Variants in DPYSL2 observed in about 807,000 individuals in gnomAD.
DPYSL2 encodes the protein dihydropyrimidinase like 2.
A neutral mutation model predicts 69.9 loss-of-function variants in DPYSL2; 13 were observed. The observed-to-expected ratio is 0.19, with a 90% confidence interval of 0.12 to 0.30. The LOEUF is 0.30. Among genes scored for constraint, DPYSL2 ranks in the 10% least tolerant of loss-of-function variants. DPYSL2 has a pLI of 1.00. For missense variants in DPYSL2, 587 were observed against 918.9 expected, an observed-to-expected ratio of 0.64 and a Z score of 4.67; for synonymous variants, 326 against 359.1, an observed-to-expected ratio of 0.91 and a Z score of 1.04.
intron 1 of DPYSL2, among the ~76,000 whole-genome samples, chr8:26,563,849 GTGAATGAATGAA>G (rs57663458): frequency 2.0e-5 from 3 of 151,752 alleles, no homozygotes; most frequent in African/African-American, 7.3e-5. Flanking sequence ...TGCTGGATGA[GTGAATGAATGAA>G]TGAATGAATG....
Position 26,640,652 on chromosome 8 carries a change from T to C in DPYSL2, c.1127-2787T>C, listed in dbSNP as rs1803019982. On this transcript the variant is annotated intron_variant, in intron 8 of 13. Coordinates refer to ENST00000521913, the MANE Select transcript of DPYSL2 (RefSeq NM_001197293.3). The surrounding 1 kb of genome is among the most constrained non-coding windows in gnomAD (Gnocchi z 4.2). ...GTGGAGGTAGAGGCCTGGAACATGATGGCTAAACTCCTGTCGCTGATTCTG... is the reference window on the plus strand; with the variant it reads ...GTGGAGGTAGAGGCCTGGAACATGACGGCTAAACTCCTGTCGCTGATTCTG... Among the ~76,000 whole-genome samples the C allele has an allele frequency of 6.6e-6, 1 of 152,110 alleles. No individual in the cohort carries two copies. Among genetic ancestry groups the C allele is most frequent in the Non-Finnish European group, 1.5e-5 (1 of 68,016 alleles).
In DPYSL2 at chr8:26,620,181, T is replaced by C. The variant is rs924596001; in HGVS notation, c.629-3962T>C. Among the ~76,000 whole-genome samples the C allele has an allele frequency of 6.6e-6, 1 of 152,180 alleles. No homozygotes were observed. Among genetic ancestry groups the C allele is most frequent in the African/African-American group, 2.4e-5 (1 of 41,418 alleles). On this transcript the variant is annotated intron_variant, in intron 3 of 13. Coordinates refer to ENST00000521913, the MANE Select transcript of DPYSL2 (RefSeq NM_001197293.3). This position sits in a 1 kb window ranked among gnomAD's most constrained non-coding sequence, Gnocchi z 4.5. ...GGTTGTAAGGCTTTAGATGGCTTGC[T>C]TGAGCCTTGCAATGGGAATGAGTGC...
In DPYSL2 at chr8:26,517,368, G is replaced by C. The variant is rs1808309781; in HGVS notation, c.354+2689G>C. On this transcript the variant is annotated intron_variant, in intron 1 of 13. Transcript: ENST00000521913. The surrounding 1 kb of genome is among the most constrained non-coding windows in gnomAD (Gnocchi z 4.2). ...CACCAGAAAGCGATGGGTGTGGCTT[G>C]ACTCGGCATGTCAGATTTTGGCGGA... Among the ~76,000 whole-genome samples the C allele has an allele frequency of 6.6e-6, 1 of 152,236 alleles. No homozygotes were observed. The highest frequency in any genetic ancestry group is 1.5e-5 in the Non-Finnish European group (1 of 68,044).
rs183210300 is a variant in DPYSL2 at position 26,537,847 on chromosome 8, T to G, written c.354+23168T>G. Among the ~76,000 whole-genome samples the G allele has an allele frequency of 1.2e-4, 19 of 152,330 alleles. No individual in the cohort carries two copies. In the East Asian group the frequency reaches 2.9e-3, roughly 23 times the overall value. ...CCAATTATCCAATAACATTCTTTAG[T>G]AGGTCCAACATTCAAGTCAGGATTA... On this transcript the variant is annotated intron_variant, in intron 1 of 13. Transcript: ENST00000521913.
rs1272805130 is a variant in DPYSL2 at position 26,597,147 on chromosome 8, C to G, written c.628+13164C>G. 6.6e-6 allele frequency among the ~76,000 whole-genome samples: 1 copy of G among 152,240 alleles called. No homozygotes were observed. Among genetic ancestry groups the G allele is most frequent in the African/African-American group, 2.4e-5 (1 of 41,464 alleles). Reference sequence around the variant, plus strand: ...CGGTGGTATATTGGGTGTCTCTTCTCTCCTACAGAAGCCCTGGGTTGATGC... The same window carrying G: ...CGGTGGTATATTGGGTGTCTCTTCTGTCCTACAGAAGCCCTGGGTTGATGC... On this transcript the variant is annotated intron_variant, in intron 3 of 13. Transcript: ENST00000521913. This position sits in a 1 kb window ranked among gnomAD's most constrained non-coding sequence, Gnocchi z 5.2.
intron 1 of DPYSL2, among the ~76,000 whole-genome samples, chr8:26,518,617 C>G (rs1198545478): frequency 1.3e-5 from 2 of 152,146 alleles, no homozygotes; most frequent in Non-Finnish European, 1.5e-5. Flanking sequence ...CCACCTCTTC[C>G]CAGCCCCTGG....
At position 26,514,753 on chromosome 8, in the gene DPYSL2, C is replaced by T. The variant is rs1172353910; in HGVS notation, c.354+74C>T. On this transcript the variant is annotated intron_variant, in intron 1 of 13. Transcript: ENST00000521913. The surrounding 1 kb of genome is among the most constrained non-coding windows in gnomAD (Gnocchi z 8.4). The stretch of plus-strand genomic sequence containing the variant: ...GCCCCTCCCTCGCCCCTGAGCCCGG[C>T]GCGCCCGCCTTCATGCCCCGCCCTG... The T allele has an allele frequency of 5.4e-6, 7 of 1,288,652 alleles. No homozygotes were observed. The highest frequency in any genetic ancestry group is 7.0e-6 in the Non-Finnish European group (7 of 996,518). The allele number at this position is 1,288,652 out of a possible 1,614,324, so 79.8% of individuals were successfully genotyped here.
Position 26,652,070 on chromosome 8 carries a change from A to G in DPYSL2, c.1597-187A>G, listed in dbSNP as rs1329955045. On this transcript the variant is annotated intron_variant, in intron 11 of 13. Coordinates refer to ENST00000521913, the MANE Select transcript of DPYSL2 (RefSeq NM_001197293.3). The surrounding 1 kb of genome is among the most constrained non-coding windows in gnomAD (Gnocchi z 6.3). ...CTAATGTGGAGAGGTAGAAAAAGTT[A>G]TTTCATATTCTAGACAGGGAAATGG... 6.6e-6 allele frequency among the ~76,000 whole-genome samples: 1 copy of G among 152,130 alleles called. No homozygotes were observed. The highest frequency in any genetic ancestry group is 1.5e-5 in the Non-Finnish European group (1 of 68,028).
rs1801474630 is a variant in DPYSL2 at position 26,580,796 on chromosome 8, G to A, written c.355-1173G>A. 6.6e-6 allele frequency among the ~76,000 whole-genome samples: 1 copy of A among 152,202 alleles called. No homozygotes were observed. Among genetic ancestry groups the A allele is most frequent in the South Asian group, 2.1e-4 (1 of 4,832 alleles). On this transcript the variant is annotated intron_variant, in intron 1 of 13. Coordinates refer to ENST00000521913, the MANE Select transcript of DPYSL2 (RefSeq NM_001197293.3). The surrounding 1 kb of genome is among the most constrained non-coding windows in gnomAD (Gnocchi z 4.1). Reference sequence around the variant, plus strand: ...ATGTGTTGCATATTAAAAGGGCAATGTATGGTTCAGCTTGCCAGGTTTAAG... The same window carrying A: ...ATGTGTTGCATATTAAAAGGGCAATATATGGTTCAGCTTGCCAGGTTTAAG...
At chr8:26,645,725 T>G (rs1382385658) in intron 10 of DPYSL2, among the ~76,000 whole-genome samples, 5 of 152,060 alleles carry the variant, frequency 3.3e-5, no homozygotes, top group African/African-American at 9.7e-5. Context: ...GATTTTTGTA[T>G]TTTTAGTAGA....
chr8:26,632,429 A>G (rs1802799526), intron 7 of DPYSL2, among the ~76,000 whole-genome samples: 2 of 152,226 alleles, frequency 1.3e-5, no homozygotes, highest in Admixed American at 1.3e-4. Flanking sequence ...AGATGAGGAT[A>G]ATGAAGAACC....
At chr8:26,537,599 T>A (rs993452907) in intron 1 of DPYSL2, among the ~76,000 whole-genome samples, 1 of 70,032 alleles carries the variant, frequency 1.4e-5, no homozygotes, top group African/African-American at 4.0e-5. Context: ...GACCTTACTA[T>A]CATTCTCTCT....
intron 1 of DPYSL2, among the ~76,000 whole-genome samples, chr8:26,526,776 T>C (rs988424015): frequency 6.6e-6 from 1 of 152,224 alleles, no homozygotes; most frequent in Non-Finnish European, 1.5e-5. Context: ...TTGTGCCTTG[T>C]TGCAGTGACC....
chr8:26,583,695 G>A lies in DPYSL2; in HGVS notation c.444-104G>A, dbSNP rs542808485. ...CGTAACAATGATCTGAAAAGCCCAC[G>A]GCACAGAGCGGAGGATAGTTTATAG... is the stretch of plus-strand genomic sequence containing the variant. On this transcript the variant is annotated intron_variant, in intron 2 of 13. Transcript: ENST00000521913. 11 of 1,054,828 alleles carry A rather than the reference G, an allele frequency of 1.0e-5. 1 individual carries two copies. Among genetic ancestry groups the A allele is most frequent in the South Asian group, 5.1e-5 (3 of 58,574 alleles). 65.3% of individuals were successfully genotyped at this position (1,054,828 alleles called of 1,614,324 possible). A position where few individuals can be genotyped will look rare whatever the true frequency, so the allele number is the denominator to read the frequency against.
Position 26,552,228 on chromosome 8 carries a change from C to G in DPYSL2, c.355-29741C>G, listed in dbSNP as rs530246102. ...ATACAACTTATCAAAATTTGTGGAC[C>G]GCAGCAAAAACAGTGCTTAATGAGA... On this transcript the variant is annotated intron_variant, in intron 1 of 13. Transcript: ENST00000521913. Among the ~76,000 whole-genome samples the G allele has an allele frequency of 2.0e-5, 3 of 152,040 alleles. No homozygotes were observed. In the East Asian group the frequency reaches 5.8e-4, roughly 29 times the overall value.
Position 26,657,189 on chromosome 8 carries a change from G to T in DPYSL2, c.*1483G>T, listed in dbSNP as rs999916698. 2 of 152,492 alleles carry T rather than the reference G, an allele frequency of 1.3e-5. No homozygotes were observed. Among genetic ancestry groups the T allele is most frequent in the East Asian group, 1.9e-4 (1 of 5,196 alleles). The allele number at this position is 152,492 out of a possible 1,614,324, so 9.4% of individuals were successfully genotyped here. A position where few individuals can be genotyped will look rare whatever the true frequency, so the allele number is the denominator to read the frequency against. On this transcript the variant is annotated 3_prime_UTR_variant, in exon 14 of 14. Coordinates refer to ENST00000521913, the MANE Select transcript of DPYSL2 (RefSeq NM_001197293.3). ...AAGAGGAGAAATGTGTTTTATGAACGATAGATCACATCAGAACTCCTGTGG... is the reference window on the plus strand; with the variant it reads ...AAGAGGAGAAATGTGTTTTATGAACTATAGATCACATCAGAACTCCTGTGG...
rs2129911568 is a variant in DPYSL2 at position 26,626,345 on chromosome 8, C to G, written c.794-272C>G. Among the ~76,000 whole-genome samples the G allele has an allele frequency of 6.6e-6, 1 of 152,168 alleles. No homozygotes were observed. The highest frequency in any genetic ancestry group is 1.9e-4 in the East Asian group (1 of 5,204). ...CTTTTAATTTTGATATACTTGTAAA[C>G]TTACAGGAAGATTATAAGAATACTA... On this transcript the variant is annotated intron_variant, in intron 4 of 13. Transcript: ENST00000521913. The surrounding 1 kb of genome is among the most constrained non-coding windows in gnomAD (Gnocchi z 4.3).
At chr8:26,545,331 A>T (rs981709088) in intron 1 of DPYSL2, among the ~76,000 whole-genome samples, 5 of 152,246 alleles carry the variant, frequency 3.3e-5, no homozygotes, top group African/African-American at 1.2e-4. Context: ...CCACAATGAA[A>T]TGTAACTACT....
At chr8:26,629,993 ACG>A (rs3074034) in intron 7 of DPYSL2, among the ~76,000 whole-genome samples, 74,883 of 151,982 alleles carry the variant, frequency 0.49, 19,831 homozygotes, top group East Asian at 0.68. Context: ...ACATACACAC[ACG>A]TCCATAGGCA....
Sources: allele counts gnomAD v4.1 joint callset (sites outside exome capture counted in the v4.1 genomes callset), GRCh38; gene constraint gnomAD v4.1.1; non-coding constraint Gnocchi (gnomAD v3.1); transcripts MANE v1.5; gene names NCBI Gene and HGNC (gene_info 2026-07-23, HGNC 2026-07-21).